The following ZFR2 variants were observed in gnomAD, a reference collection of about 807,000 sequenced individuals.
ZFR2 encodes zinc finger RNA-binding protein 2.
Under a neutral mutation model 105.7 loss-of-function variants are expected in ZFR2, and 104 were observed. That is an observed-to-expected ratio of 0.98 (90% CI 0.84 to 1.16). The LOEUF is 1.16. ZFR2 is among the 50% of genes most tolerant of loss of function. ZFR2 has a pLI of 0.00. For synonymous variants in ZFR2, 634 were observed against 597.7 expected (o/e 1.06, Z -0.89); for missense variants, 1,425 against 1,355.5 (o/e 1.05, Z -0.80).
chr19:3,844,600 C>T (rs2038169834), intron 1 of ZFR2, among the ~76,000 whole-genome samples: 1 of 152,150 alleles, frequency 6.6e-6, no homozygotes, highest in African/African-American at 2.4e-5. Context: ...AACCCCTGAC[C>T]TCAAGTGATC....
Position 3,820,170 on chromosome 19 carries a change from A to G in ZFR2, c.1740+12T>C, listed in dbSNP as rs749081495. On this transcript the variant is annotated intron_variant, in intron 11 of 18. Coordinates refer to ENST00000262961, the MANE Select transcript of ZFR2 (RefSeq NM_015174.2). ...GTCGCCCGCGTTTGCACACAGAGGAAACTGTACCTACCTGGAGTGGGGCGC... is the reference window on the plus strand; with the variant it reads ...GTCGCCCGCGTTTGCACACAGAGGAGACTGTACCTACCTGGAGTGGGGCGC... The G allele has an allele frequency of 1.3e-6, 2 of 1,551,122 alleles. No homozygotes were observed. The highest frequency in any genetic ancestry group is 8.7e-7 in the Non-Finnish European group (1 of 1,146,944).
intron 5 of ZFR2, among the ~76,000 whole-genome samples, chr19:3,830,670 G>A (rs2038002222): frequency 6.6e-6 from 1 of 152,118 alleles, no homozygotes; most frequent in Non-Finnish European, 1.5e-5. Context: ...TGCAGACTCC[G>A]TGTCTCTCCG....
intron 1 of ZFR2, among the ~76,000 whole-genome samples, chr19:3,842,584 C>T (rs1206000831): frequency 1.3e-5 from 2 of 151,462 alleles, no homozygotes; most frequent in African/African-American, 4.9e-5. Context: ...CAGAGATGTA[C>T]AATTGTCACT....
At chr19:3,857,216 T>C (rs1306187949) in intron 1 of ZFR2, among the ~76,000 whole-genome samples, 2 of 150,356 alleles carry the variant, frequency 1.3e-5, no homozygotes, top group African/African-American at 4.9e-5. Context: ...GCCTCCCGAG[T>C]ACCTGGGACT....
Position 3,835,053 on chromosome 19 carries a change from T to C in ZFR2, c.54-70A>G, listed in dbSNP as rs2038066175. On this transcript the variant is annotated intron_variant, in intron 1 of 18. Coordinates refer to ENST00000262961, the MANE Select transcript of ZFR2 (RefSeq NM_015174.2). ...GTTCTCAGGTGCACTGAGTTGACGG[T>C]GTCAATTCCAGCCACCACTGGACCT... 1.5e-5 allele frequency: 23 copies of C among 1,510,136 alleles called. 1 individual carries two copies. In the Middle Eastern group the frequency reaches 2.9e-3, roughly 188 times the overall value. 93.5% of individuals were successfully genotyped at this position (1,510,136 alleles called of 1,614,324 possible).
intron 15 of ZFR2, 26 bp downstream of exon 15, chr19:3,811,246 C>A: frequency 1.3e-6 from 2 of 1,537,450 alleles, no homozygotes; most frequent in Non-Finnish European, 8.8e-7. Context: ...ACCCCTCTCC[C>A]CCTGCTCCAC....
chr19:3,816,412 A>G (rs2037825108), intron 13 of ZFR2, among the ~76,000 whole-genome samples: 1 of 150,328 alleles, frequency 6.7e-6, no homozygotes, highest in African/African-American at 2.5e-5. Context: ...GGCCTGGCTA[A>G]TTTCTGTATT....
At chr19:3,822,268 C>T in intron 8 of ZFR2, 68 bp from the exon 9 acceptor site, 1 of 1,532,688 alleles carries the variant, frequency 6.5e-7, no homozygotes, top group Non-Finnish European at 8.8e-7. Flanking sequence ...GCTACCGCTG[C>T]CAGGTCGCGG....
rs1406547783 is a variant in ZFR2, at chr19:3,805,253, T to G, written c.*696A>C. The stretch of plus-strand genomic sequence containing the variant: ...AGATGCCCCCGAGTTTAGAATCTGC[T>G]TGCTGTACTGCTGGCCCCCCTGGCT... On this transcript the variant is annotated 3_prime_UTR_variant, in exon 19 of 19. Transcript: ENST00000262961. 1 of 152,292 alleles carries G rather than the reference T, an allele frequency of 6.6e-6. No individual in the cohort carries two copies. The highest frequency in any genetic ancestry group is 1.5e-5 in the Non-Finnish European group (1 of 68,110). 9.4% of individuals were successfully genotyped at this position (152,292 alleles called of 1,614,324 possible). A position where few individuals can be genotyped will look rare whatever the true frequency, so the allele number is the denominator to read the frequency against.
intron 1 of ZFR2, among the ~76,000 whole-genome samples, chr19:3,839,792 G>T (rs2038117580): frequency 6.6e-6 from 1 of 151,998 alleles, no homozygotes; most frequent in South Asian, 2.1e-4. Context: ...CCTCCCTAGG[G>T]TTGGTGGCTG....
Position 3,820,289 on chromosome 19 carries a change from G to T in ZFR2, c.1633C>A (p.Arg545=), listed in dbSNP as rs768767401. 3 of 1,543,602 alleles carry T rather than the reference G, an allele frequency of 1.9e-6. No homozygotes were observed. Among genetic ancestry groups the T allele is most frequent in the Non-Finnish European group, 2.6e-6 (3 of 1,145,844 alleles). ...QLRRWHAERR[R]LEEEPPQDVP... ...TCCTGGGGTGGCTCCTCCTCCAGCCGCCTGCAGGACCGAGACGTGACAGAG... is the reference window on the plus strand; with the variant it reads ...TCCTGGGGTGGCTCCTCCTCCAGCCTCCTGCAGGACCGAGACGTGACAGAG... The change falls in exon 11 of 19, where the codon CGG becomes AGG. Residue 545 remains arginine, a splice_region_variant and synonymous_variant. Transcript: ENST00000262961.
chr19:3,807,435 C>T (rs2037709422), intron 17 of ZFR2, among the ~76,000 whole-genome samples, 166 bp from the exon 18 acceptor site: 1 of 152,258 alleles, frequency 6.6e-6, no homozygotes, highest in Non-Finnish European at 1.5e-5. Flanking sequence ...GGTTCAGGGT[C>T]TCACCCGGGC....
At chr19:3,855,450 G>A (rs1599254131) in intron 1 of ZFR2, 2 of 1,231,706 alleles carry the variant, frequency 1.6e-6, no homozygotes, top group African/African-American at 1.5e-5. Flanking sequence ...CAGATTCATT[G>A]AGTCATTGGA....
chr19:3,833,400 C>T lies in ZFR2; in HGVS notation c.379+264G>A, dbSNP rs138978076. 2,667 of 328,904 alleles carry T rather than the reference C, an allele frequency of 8.1e-3. 55 individuals carry two copies. The highest frequency in any genetic ancestry group is 0.051 in the African/African-American group (2,416 of 47,476). The allele number at this position is 328,904 out of a possible 1,614,324, so 20.4% of individuals were successfully genotyped here. On this transcript the variant is annotated intron_variant, in intron 3 of 18. Transcript: ENST00000262961. ...GACCATCCTGGCTAATACTGTGAAA[C>T]CCCGTCTCTACTAAAAATACAAAAA...
Position 3,816,650 on chromosome 19 carries a change from C to T in ZFR2, c.2103+24G>A, listed in dbSNP as rs376622694. On this transcript the variant is annotated intron_variant, in intron 13 of 18. Coordinates refer to ENST00000262961, the MANE Select transcript of ZFR2 (RefSeq NM_015174.2). The stretch of plus-strand genomic sequence containing the variant: ...GCTGGCAGCCAGACGCCAGAAGCAG[C>T]GATGAGCAGGGCCCTGACCTTACCT... 8.0e-5 allele frequency: 127 copies of T among 1,581,478 alleles called. 1 individual carries two copies. Among genetic ancestry groups the T allele is most frequent in the Non-Finnish European group, 1.0e-4 (120 of 1,159,134 alleles).
Position 3,819,211 on chromosome 19 carries a change from C to T in ZFR2, c.1765G>A (p.Asp589Asn), listed in dbSNP as rs2301839. 1,499 of 1,558,416 alleles carry T rather than the reference C, an allele frequency of 9.6e-4. 21 individuals are homozygous for T. In the East Asian group the frequency reaches 0.025, roughly 26 times the overall value. Residue 589 changes from aspartate (D) to asparagine (N), a missense_variant, in exon 12 of 19, where the codon GAC (aspartate) becomes AAC (asparagine). Transcript: ENST00000262961. ...LQPGRRPASS[D>N]DRHVMCKHAT... The stretch of plus-strand genomic sequence containing the variant: ...TGCTTGCACATGACGTGCCGGTCGT[C>T]GCTGGACGCCGGCCGCCGCCCGGGC...
Position 3,831,649 on chromosome 19 carries a change from G to A in ZFR2, c.598+11C>T, listed in dbSNP as rs372074574. On this transcript the variant is annotated intron_variant, in intron 4 of 18. Transcript: ENST00000262961. ...CGGGCAGACCACCTGGGCAAGGAACGCTGGTCTTACCCGTGTAGGCGGTGC... is the reference window on the plus strand; with the variant it reads ...CGGGCAGACCACCTGGGCAAGGAACACTGGTCTTACCCGTGTAGGCGGTGC... The A allele has an allele frequency of 2.7e-4, 410 of 1,531,874 alleles. No homozygotes were observed. The highest frequency in any genetic ancestry group is 3.4e-4 in the Non-Finnish European group (388 of 1,134,546). The allele number at this position is 1,531,874 out of a possible 1,614,324, so 94.9% of individuals were successfully genotyped here.
rs558694587 is a variant in ZFR2, at chr19:3,833,931, AGGCAGGG to A, written c.265-160_265-154del. ...TGCCCAGGACCAGGCCCTGGCCCGG[AGGCAGGG>A]GGCAGGGGGCAGGGGGCAGGGGGCA... On this transcript the variant is annotated intron_variant, in intron 2 of 18. Transcript: ENST00000262961. Among the ~76,000 whole-genome samples, 98 of 151,110 alleles carry A rather than the reference AGGCAGGG, an allele frequency of 6.5e-4. No individual in the cohort carries two copies. The Middle Eastern group carries it at 0.014, about 21-fold the overall frequency.
chr19:3,847,615 C>T (rs1599248436), intron 1 of ZFR2, among the ~76,000 whole-genome samples: 1 of 152,142 alleles, frequency 6.6e-6, no homozygotes. Flanking sequence ...TAATTAGAAG[C>T]GAATCACCGA....
Sources: allele counts gnomAD v4.1 joint callset (sites outside exome capture counted in the v4.1 genomes callset), GRCh38; gene constraint gnomAD v4.1.1; transcripts MANE v1.5; gene names NCBI Gene and HGNC (gene_info 2026-07-23, HGNC 2026-07-21).